The following IL1RAPL2 variants were observed in gnomAD, a reference collection of about 807,000 sequenced individuals.
IL1RAPL2 encodes the protein interleukin 1 receptor accessory protein like 2.
IL1RAPL2 carries 3 observed loss-of-function variants against 44.1 expected under a neutral mutation model. The observed-to-expected ratio is 0.07, with a 90% CI of 0.03 to 0.18. The LOEUF (loss-of-function observed/expected upper bound fraction) is 0.18. IL1RAPL2 is among the 10% of genes least tolerant of loss of function. IL1RAPL2 has a pLI of 1.00. For synonymous variants in IL1RAPL2, 181 were observed against 178.8 expected, an observed-to-expected ratio of 1.01 and a Z score of -0.10; for missense variants, 391 against 496.4, an observed-to-expected ratio of 0.79 and a Z score of 2.02.
intron 6 of IL1RAPL2, among the ~76,000 whole-genome samples, chrX:105,714,090 C>G (rs1342739139): frequency 9.0e-6 from 1 of 111,468 alleles, no homozygotes; most frequent in Non-Finnish European, 1.9e-5. Context: ...AATTTCATCA[C>G]CTTCTTTGCC....
intron 4 of IL1RAPL2, among the ~76,000 whole-genome samples, chrX:105,237,150 T>G (rs1300299121): frequency 8.9e-6 from 1 of 112,008 alleles, no homozygotes; most frequent in African/African-American, 3.2e-5. Flanking sequence ...TCCAGCTTCA[T>G]CCATGTCCCT....
At chrX:105,374,115 CAAAAA>C (rs1177602549) in intron 5 of IL1RAPL2, among the ~76,000 whole-genome samples, 3 of 45,352 alleles carry the variant, frequency 6.6e-5, no homozygotes, top group South Asian at 2.6e-3. Context: ...GCAAGACTGT[CAAAAA>C]AAAAAAAAAA....
At chrX:104,868,210 A>G (rs1922669461) in intron 2 of IL1RAPL2, among the ~76,000 whole-genome samples, 1 of 112,162 alleles carries the variant, frequency 8.9e-6, no homozygotes, top group East Asian at 2.8e-4. Flanking sequence ...GAACAATGGA[A>G]CAATGCAGTC....
intron 2 of IL1RAPL2, among the ~76,000 whole-genome samples, chrX:105,078,817 A>G (rs1259709892): frequency 1.8e-5 from 2 of 112,676 alleles, no homozygotes; most frequent in African/African-American, 3.2e-5. Flanking sequence ...CCATGGGCAT[A>G]GGACCCTCCA....
rs185329151 is a variant in IL1RAPL2, at chrX:105,188,050, T to C, written c.83-7425T>C. ...ATATTGAAATAATCCAAGCAAGACA[T>C]GAGAAGCACTTAGATAGTCTTCAGT... On this transcript the variant is annotated intron_variant, in intron 2 of 10. Coordinates refer to ENST00000372582, the MANE Select transcript of IL1RAPL2 (RefSeq NM_017416.2). Among the ~76,000 whole-genome samples, 495 of 111,537 alleles carry C rather than the reference T, an allele frequency of 4.4e-3. 3 individuals carry two copies. Among genetic ancestry groups the C allele is most frequent in the Middle Eastern group, 9.3e-3 (2 of 216 alleles).
intron 2 of IL1RAPL2, among the ~76,000 whole-genome samples, chrX:104,910,972 G>A (rs980187307): frequency 3.6e-5 from 4 of 111,945 alleles, no homozygotes; most frequent in African/African-American, 1.3e-4. Flanking sequence ...ATATAACAGA[G>A]ATTTGAATAA....
chrX:105,447,107 A>AT (rs1491220948), intron 5 of IL1RAPL2, among the ~76,000 whole-genome samples: 1,107 of 32,612 alleles, frequency 0.034, 90 homozygotes, highest in African/African-American at 0.16. Context: ...ATATATATAT[A>AT]AAAATATATA....
At chrX:104,887,230 A>T (rs917037021) in intron 2 of IL1RAPL2, among the ~76,000 whole-genome samples, 45 of 112,459 alleles carry the variant, frequency 4.0e-4, no homozygotes, top group Non-Finnish European at 3.2e-4. Flanking sequence ...ATACTCATCT[A>T]GTAGAATGGG....
intron 5 of IL1RAPL2, among the ~76,000 whole-genome samples, chrX:105,415,238 G>A (rs2035724787): frequency 8.9e-6 from 1 of 111,828 alleles, no homozygotes; most frequent in East Asian, 2.8e-4. Flanking sequence ...CCTTCTCTAA[G>A]GCATAATATG....
chrX:104,916,827 C>A (rs1924456523), intron 2 of IL1RAPL2, among the ~76,000 whole-genome samples: 1 of 111,341 alleles, frequency 9.0e-6, no homozygotes, highest in Admixed American at 9.6e-5. Flanking sequence ...TTGAGATAAT[C>A]AGGTGGTTTT....
At position 105,002,728 on chromosome X, in the gene IL1RAPL2, G is replaced by C. The variant is rs1173837908; in HGVS notation, c.83-192747G>C. Among the ~76,000 whole-genome samples the C allele has an allele frequency of 1.9e-5, 2 of 107,610 alleles. 1 individual carries two copies. The highest frequency in any genetic ancestry group is 2.0e-4 in the Admixed American group (2 of 9,931). 93.4% of individuals were successfully genotyped at this position (107,610 alleles called of 115,157 possible). A position where few individuals can be genotyped will look rare whatever the true frequency, so the allele number is the denominator to read the frequency against. On this transcript the variant is annotated intron_variant, in intron 2 of 10. Coordinates refer to ENST00000372582, the MANE Select transcript of IL1RAPL2 (RefSeq NM_017416.2). ...AAAGTCATTATGTGTTAATCCTATA[G>C]GAAATGGGCAATTTTTCTGAAGAGA...
At chrX:104,863,579 C>T (rs1331101351) in intron 2 of IL1RAPL2, among the ~76,000 whole-genome samples, 4 of 112,011 alleles carry the variant, frequency 3.6e-5, no homozygotes, top group African/African-American at 9.7e-5. Context: ...TTGCAGACAA[C>T]GGTGGCCAAG....
intron 2 of IL1RAPL2, among the ~76,000 whole-genome samples, chrX:104,667,325 T>G: frequency 9.0e-6 from 1 of 111,614 alleles, no homozygotes; most frequent in Non-Finnish European, 1.9e-5. Context: ...GCAAGCAAAA[T>G]AAAATGTCTT....
Position 104,678,883 on chromosome X carries a change from C to A in IL1RAPL2, c.82+19888C>A, listed in dbSNP as rs548959468. ...GAAACACCTAATGTAGATGACAGGT[C>A]GATGGGTGCAGCAAACCACCATGGC... On this transcript the variant is annotated intron_variant, in intron 2 of 10. Coordinates refer to ENST00000372582, the MANE Select transcript of IL1RAPL2 (RefSeq NM_017416.2). 4.5e-5 allele frequency among the ~76,000 whole-genome samples: 5 copies of A among 110,524 alleles called. No individual in the cohort carries two copies. In the South Asian group the frequency reaches 2.0e-3, roughly 44 times the overall value.
At chrX:105,491,464 A>C (rs1280910928) in intron 6 of IL1RAPL2, among the ~76,000 whole-genome samples, 1 of 111,841 alleles carries the variant, frequency 8.9e-6, no homozygotes. Context: ...CTTAGTTTCA[A>C]ATAACTCCTT....
intron 9 of IL1RAPL2, among the ~76,000 whole-genome samples, chrX:105,754,494 T>A (rs1239510636): frequency 4.4e-5 from 5 of 112,531 alleles, no homozygotes; most frequent in Non-Finnish European, 9.4e-5. Context: ...AATTTGGCAA[T>A]ACTGGACGGA....
At chrX:105,256,884 T>C (rs2034320144) in intron 4 of IL1RAPL2, among the ~76,000 whole-genome samples, 1 of 111,590 alleles carries the variant, frequency 9.0e-6, no homozygotes, top group African/African-American at 3.3e-5. Flanking sequence ...TAGTGGGCTA[T>C]CTATCTTATT....
intron 6 of IL1RAPL2, among the ~76,000 whole-genome samples, chrX:105,629,890 T>C (rs1052791175): frequency 9.0e-6 from 1 of 111,539 alleles, no homozygotes; most frequent in African/African-American, 3.3e-5. Context: ...AAGCAGGCAT[T>C]GGAGTACTGG....
At chrX:105,491,157 T>C (rs1260328138) in intron 6 of IL1RAPL2, among the ~76,000 whole-genome samples, 1 of 112,008 alleles carries the variant, frequency 8.9e-6, no homozygotes, top group Non-Finnish European at 1.9e-5. Context: ...CCAAAGCAAG[T>C]CAACAACTGA....
Sources: allele counts gnomAD v4.1 joint callset (sites outside exome capture counted in the v4.1 genomes callset), GRCh38; gene constraint gnomAD v4.1.1; transcripts MANE v1.5; gene names NCBI Gene and HGNC (gene_info 2026-07-23, HGNC 2026-07-21).